Variants in EYS observed in about 807,000 individuals in gnomAD.
The protein encoded by EYS is EGF-like photoreceptor maintenance factor.
A neutral mutation model predicts 282.1 loss-of-function variants in EYS; 250 were observed. That is an observed-to-expected ratio of 0.89 (90% CI 0.80 to 0.98). The LOEUF is 0.98. Ranked by LOEUF, EYS falls within the 50% of genes least tolerant of loss-of-function variation. The probability of loss-of-function intolerance (pLI) is 0.00; values close to 1 mark genes in which losing one functional copy is unlikely to be tolerated. For synonymous variants in EYS, 1,355 were observed against 1,282.9 expected, an observed-to-expected ratio of 1.06 and a Z score of -1.20; for missense variants, 4,016 against 3,709.0, an observed-to-expected ratio of 1.08 and a Z score of -2.15.
intron 15 of EYS, among the ~76,000 whole-genome samples, chr6:64,939,032 A>C (rs911334349): frequency 6.6e-6 from 1 of 151,806 alleles, no homozygotes; most frequent in Non-Finnish European, 1.5e-5. Flanking sequence ...AAAGATAACT[A>C]GGTAAGGAAA....
intron 31 of EYS, among the ~76,000 whole-genome samples, chr6:64,153,464 A>C (rs967714692): frequency 2.0e-5 from 3 of 152,218 alleles, no homozygotes; most frequent in Non-Finnish European, 4.4e-5. Context: ...TTTTCATTGG[A>C]ATACACTATT....
At chr6:63,834,624 C>T (rs1416781570) in intron 36 of EYS, among the ~76,000 whole-genome samples, 1 of 146,872 alleles carries the variant, frequency 6.8e-6, no homozygotes. Context: ...ATTAGTTTAG[C>T]CTTGTGGAAG....
intron 12 of EYS, among the ~76,000 whole-genome samples, chr6:65,179,542 A>T (rs142814673): frequency 6.6e-6 from 1 of 152,148 alleles, no homozygotes; most frequent in Non-Finnish European, 1.5e-5. Context: ...GACTGATAAC[A>T]GGCTCTGAAA....
At chr6:64,683,034 G>C (rs1208807940) in intron 22 of EYS, among the ~76,000 whole-genome samples, 1 of 152,214 alleles carries the variant, frequency 6.6e-6, no homozygotes, top group Non-Finnish European at 1.5e-5. Flanking sequence ...TGAGGATATA[G>C]AAGGAAGCAG....
chr6:65,128,048 T>G (rs1775769745), intron 12 of EYS, among the ~76,000 whole-genome samples: 1 of 152,044 alleles, frequency 6.6e-6, no homozygotes, highest in Admixed American at 6.6e-5. Flanking sequence ...TTTTGGTAAG[T>G]AAATCTGGTC....
At chr6:64,961,566 A>G (rs1329051128) in intron 14 of EYS, among the ~76,000 whole-genome samples, 2 of 152,066 alleles carry the variant, frequency 1.3e-5, no homozygotes, top group Non-Finnish European at 2.9e-5. Flanking sequence ...CTCAACAGCT[A>G]CACTGTTCAC....
At chr6:64,881,157 A>G (rs1766905082) in intron 19 of EYS, among the ~76,000 whole-genome samples, 1 of 151,724 alleles carries the variant, frequency 6.6e-6, no homozygotes, top group Admixed American at 6.6e-5. Context: ...TCCAGGTGCA[A>G]AAACTACCCC....
chr6:65,353,488 A>G lies in EYS; in HGVS notation c.1429T>C (p.Phe477Leu), dbSNP rs190219726. The G allele has an allele frequency of 7.3e-5, 117 of 1,613,248 alleles. No individual in the cohort carries two copies. In the African/African-American group the frequency reaches 8.3e-4, roughly 11 times the overall value. The change falls in exon 9 of 43, where the codon TTT (phenylalanine) becomes CTT (leucine). Residue 477 changes from phenylalanine to leucine, a missense_variant. Phe to Leu is a conservative substitution (Grantham distance 22). Coordinates refer to ENST00000503581, the MANE Select transcript of EYS (RefSeq NM_001142800.2). ...AATCCCAATTGCCACACATATTCAA[A>G]TTGAGCAGGACCTTTATCTTGGCAA... is the stretch of plus-strand genomic sequence containing the variant. The part of the protein sequence containing the change: ...GICQDKGPAQ[F>L]EYVWQLGFAG...
intron 29 of EYS, among the ~76,000 whole-genome samples, chr6:64,324,007 C>G (rs943450623): frequency 1.3e-4 from 20 of 152,134 alleles, no homozygotes; most frequent in African/African-American, 4.3e-4. Context: ...AACAATGGGT[C>G]AAAAAGGGAC....
At chr6:65,558,850 G>C (rs1001586520) in intron 2 of EYS, among the ~76,000 whole-genome samples, 1 of 152,100 alleles carries the variant, frequency 6.6e-6, no homozygotes, top group Non-Finnish European at 1.5e-5. Context: ...ACACTGTTTT[G>C]CTCCGTAACT....
chr6:65,141,504 AAC>A (rs906452667), intron 12 of EYS, among the ~76,000 whole-genome samples: 12 of 149,920 alleles, frequency 8.0e-5, no homozygotes, highest in African/African-American at 2.7e-4. Flanking sequence ...ATAAAAAAAA[AAC>A]AAAATTTCTA....
intron 36 of EYS, among the ~76,000 whole-genome samples, chr6:63,848,312 A>G (rs1772152083): frequency 6.6e-6 from 1 of 152,026 alleles, no homozygotes; most frequent in Non-Finnish European, 1.5e-5. Context: ...ATTTAAGTAA[A>G]CTTAATTGTA....
intron 28 of EYS, among the ~76,000 whole-genome samples, chr6:64,430,982 C>T (rs187937920): frequency 2.0e-5 from 3 of 152,116 alleles, no homozygotes; most frequent in African/African-American, 7.2e-5. Context: ...AATGCCAGGA[C>T]CACAACATAG....
At chr6:64,003,976 T>G (rs953272806) in intron 33 of EYS, among the ~76,000 whole-genome samples, 1 of 152,232 alleles carries the variant, frequency 6.6e-6, no homozygotes, top group Non-Finnish European at 1.5e-5. Flanking sequence ...GTGAGTCAAT[T>G]AAACCTCTTT....
chr6:64,826,876 A>G (rs2150025518), intron 19 of EYS, among the ~76,000 whole-genome samples: 1 of 151,714 alleles, frequency 6.6e-6, no homozygotes, highest in Non-Finnish European at 1.5e-5. Flanking sequence ...CTCAAAACAT[A>G]CTTTATGAAC....
chr6:64,971,026 A>G (rs1476068998), intron 14 of EYS, among the ~76,000 whole-genome samples: 1 of 152,204 alleles, frequency 6.6e-6, no homozygotes, highest in Non-Finnish European at 1.5e-5. Flanking sequence ...AGGCATAACT[A>G]TAGACTCTGA....
intron 5 of EYS, among the ~76,000 whole-genome samples, chr6:65,467,359 C>T (rs561129026): frequency 1.3e-5 from 2 of 151,872 alleles, no homozygotes; most frequent in South Asian, 4.1e-4. Flanking sequence ...TGAATGAATA[C>T]AAGATTTCCA....
intron 26 of EYS, among the ~76,000 whole-genome samples, chr6:64,451,098 G>T (rs1040700236): frequency 5.9e-5 from 9 of 152,114 alleles, no homozygotes; most frequent in African/African-American, 2.2e-4. Flanking sequence ...CAACAAAATT[G>T]ATAGACTGCT....
At chr6:63,797,776 C>T (rs1203469178) in intron 37 of EYS, 1 of 152,046 alleles carries the variant, frequency 6.6e-6, no homozygotes, top group Non-Finnish European at 1.5e-5. Context: ...CTTTTTGTGG[C>T]CAAATTAATA....
Sources: gnomAD v4.1 joint callset for allele counts (sites outside exome capture counted in the v4.1 genomes callset) on GRCh38, gnomAD v4.1.1 for gene constraint, MANE v1.5 for transcripts, NCBI Gene and HGNC (gene_info 2026-07-23, HGNC 2026-07-21) for gene names.